KCNH8: variants seen among roughly 807,000 people sequenced by gnomAD.
The protein encoded by KCNH8 is voltage-gated delayed rectifier potassium channel KCNH8.
Under a neutral mutation model 103.6 loss-of-function variants are expected in KCNH8, and 70 were observed. The ratio of observed to expected loss-of-function variants is 0.68; its 90% CI spans 0.56 to 0.82. The LOEUF is 0.82. KCNH8 is among the 40% of genes least tolerant of loss of function. The pLI, the probability that KCNH8 is intolerant of heterozygous loss-of-function variation, is 0.00. For synonymous variants in KCNH8, 498 were observed against 489.4 expected, an observed-to-expected ratio of 1.02 and a Z score of -0.23; for missense variants, 1,217 against 1,329.9, an observed-to-expected ratio of 0.92 and a Z score of 1.32.
chr3:19,149,630 T>C (rs1030509770), intron 1 of KCNH8, among the ~76,000 whole-genome samples: 1 of 152,192 alleles, frequency 6.6e-6, no homozygotes. Flanking sequence ...AGCTCTCTAC[T>C]TGACCCTGTG....
At chr3:19,206,676 G>A (rs147553583) in intron 1 of KCNH8, among the ~76,000 whole-genome samples, 145 of 152,054 alleles carry the variant, frequency 9.5e-4, no homozygotes, top group Non-Finnish European at 8.8e-4. Flanking sequence ...GATAAGAGTA[G>A]CATTACCCAG....
chr3:19,302,826 G>A (rs879877644), intron 3 of KCNH8, among the ~76,000 whole-genome samples: 3 of 151,976 alleles, frequency 2.0e-5, no homozygotes, highest in South Asian at 2.1e-4. Flanking sequence ...ATTATGTCTC[G>A]TCACTACTGA....
intron 3 of KCNH8, among the ~76,000 whole-genome samples, chr3:19,320,528 C>G (rs1277175229): frequency 6.6e-6 from 1 of 151,926 alleles, no homozygotes; most frequent in Non-Finnish European, 1.5e-5. Flanking sequence ...GGTATGAAAC[C>G]CACTTGGTCA....
At chr3:19,522,888 C>A (rs1575172260) in intron 15 of KCNH8, among the ~76,000 whole-genome samples, 1 of 151,750 alleles carries the variant, frequency 6.6e-6, no homozygotes, top group Non-Finnish European at 1.5e-5. Context: ...AACACTTTCT[C>A]AAACTCCAGA....
intron 3 of KCNH8, 108 bp from the exon 4 acceptor site, chr3:19,342,479 G>A: frequency 2.0e-6 from 2 of 996,352 alleles, no homozygotes; most frequent in South Asian, 3.9e-5. Context: ...ATTATTGTAG[G>A]TATTGGAAAA....
At chr3:19,306,526 C>T (rs1414185965) in intron 3 of KCNH8, among the ~76,000 whole-genome samples, 1 of 152,058 alleles carries the variant, frequency 6.6e-6, no homozygotes, top group Non-Finnish European at 1.5e-5. Context: ...TTAGTCTCAT[C>T]AGTGATCTCT....
intron 1 of KCNH8, among the ~76,000 whole-genome samples, chr3:19,194,357 C>T (rs2063580760): frequency 6.6e-6 from 1 of 151,266 alleles, no homozygotes; most frequent in Non-Finnish European, 1.5e-5. Context: ...AGATATTTTT[C>T]CTTTTTTATT....
chr3:19,332,439 C>T (rs1017375891), intron 3 of KCNH8, among the ~76,000 whole-genome samples: 40 of 152,022 alleles, frequency 2.6e-4, no homozygotes, highest in Non-Finnish European at 1.3e-4. Flanking sequence ...TTTTTTAAGT[C>T]TGAATTGTAT....
chr3:19,516,125 C>T (rs538321802), intron 14 of KCNH8, among the ~76,000 whole-genome samples: 6 of 152,164 alleles, frequency 3.9e-5, no homozygotes, highest in Admixed American at 3.3e-4. Context: ...CAATCCAAAA[C>T]AATTACCAGC....
intron 3 of KCNH8, among the ~76,000 whole-genome samples, chr3:19,324,254 G>A (rs1575527470): frequency 6.6e-6 from 1 of 152,232 alleles, no homozygotes; most frequent in East Asian, 1.9e-4. Flanking sequence ...AAAGGAAAGA[G>A]ACTTAATTGA....
At chr3:19,382,398 G>A (rs957052653) in intron 5 of KCNH8, among the ~76,000 whole-genome samples, 1 of 151,964 alleles carries the variant, frequency 6.6e-6, no homozygotes, top group Non-Finnish European at 1.5e-5. Flanking sequence ...TTAAATAGAC[G>A]TATTACTTAC....
At chr3:19,406,487 T>C (rs1380582573) in intron 7 of KCNH8, among the ~76,000 whole-genome samples, 1 of 152,118 alleles carries the variant, frequency 6.6e-6, no homozygotes, top group Non-Finnish European at 1.5e-5. Flanking sequence ...TCATTTCTGG[T>C]TTAATTTCTA....
chr3:19,390,240 T>A (rs2066416995), intron 5 of KCNH8, among the ~76,000 whole-genome samples: 1 of 152,110 alleles, frequency 6.6e-6, no homozygotes, highest in African/African-American at 2.4e-5. Flanking sequence ...TTCTTCAGTA[T>A]CTGTTTAGTT....
chr3:19,353,720 G>T (rs1037557336), intron 5 of KCNH8, among the ~76,000 whole-genome samples: 2 of 152,142 alleles, frequency 1.3e-5, no homozygotes, highest in Non-Finnish European at 2.9e-5. Flanking sequence ...ACTAGGTATT[G>T]ATGGGACGTA....
chr3:19,420,196 T>C (rs2066930052), intron 7 of KCNH8, among the ~76,000 whole-genome samples: 1 of 152,228 alleles, frequency 6.6e-6, no homozygotes, highest in Non-Finnish European at 1.5e-5. Flanking sequence ...CGGCTGCCAC[T>C]GCTGCTGTGG....
At chr3:19,461,223 T>C (rs751939208) in intron 11 of KCNH8, among the ~76,000 whole-genome samples, 3 of 152,306 alleles carry the variant, frequency 2.0e-5, no homozygotes, top group African/African-American at 4.8e-5. Context: ...GGGACCTTCA[T>C]TGTTTTATAC....
At chr3:19,351,233 T>A (rs1335994960) in intron 5 of KCNH8, among the ~76,000 whole-genome samples, 1 of 152,128 alleles carries the variant, frequency 6.6e-6, no homozygotes, top group Non-Finnish European at 1.5e-5. Context: ...CATGGGACTA[T>A]GTGAAAAGAC....
chr3:19,300,245 T>C (rs550165630), intron 3 of KCNH8, among the ~76,000 whole-genome samples: 1 of 145,560 alleles, frequency 6.9e-6, no homozygotes, highest in African/African-American at 2.5e-5. Flanking sequence ...CAAGACTCTG[T>C]CTATAAAAAA....
chr3:19,221,142 AG>A (rs1384965610), intron 1 of KCNH8, among the ~76,000 whole-genome samples: 1 of 152,220 alleles, frequency 6.6e-6, no homozygotes, highest in African/African-American at 2.4e-5. Context: ...GCATTTATTT[AG>A]GTTAGATTGA....
Sources: allele counts gnomAD v4.1 joint callset (sites outside exome capture counted in the v4.1 genomes callset), GRCh38; gene constraint gnomAD v4.1.1; transcripts MANE v1.5; gene names NCBI Gene and HGNC (gene_info 2026-07-23, HGNC 2026-07-21).